The following NAV3 variants were observed in gnomAD, a reference collection of about 807,000 sequenced individuals.
NAV3 encodes the protein pore membrane and/or filament interacting like protein 1.
In NAV3, 87 loss-of-function variants were observed where a neutral mutation model predicts 244.7. The observed-to-expected ratio is 0.36, with a 90% CI of 0.30 to 0.42. NAV3 has a LOEUF of 0.42. Among genes scored for constraint, NAV3 ranks in the 20% least tolerant of loss-of-function variants. The probability of loss-of-function intolerance (pLI) is 1.00; values close to 1 mark genes in which losing one functional copy is unlikely to be tolerated. For synonymous variants in NAV3, 1,126 were observed against 1,042.2 expected (o/e 1.08, Z -1.55); for missense variants, 2,663 against 2,893.3 (o/e 0.92, Z 1.83).
intron 3 of NAV3, among the ~76,000 whole-genome samples, chr12:77,952,078 A>AC (rs1437804984): frequency 1.0e-4 from 15 of 147,494 alleles, no homozygotes; most frequent in South Asian, 2.1e-4. Context: ...TAAAAAAAAA[A>AC]AAAAAACAGG....
intron 8 of NAV3, among the ~76,000 whole-genome samples, chr12:78,016,237 T>A (rs1876186472): frequency 1.3e-5 from 2 of 152,080 alleles, no homozygotes; most frequent in African/African-American, 4.8e-5. Flanking sequence ...ACCAAGAAAT[T>A]TATGTATGCA....
At chr12:77,576,592 T>C (rs551174586) in intron 2 of NAV3, among the ~76,000 whole-genome samples, 11 of 152,276 alleles carry the variant, frequency 7.2e-5, no homozygotes, top group Non-Finnish European at 1.5e-4. Flanking sequence ...CTGATTCTTT[T>C]CATTTTATTT....
chr12:78,204,896 G>A (rs1339708686), intron 38 of NAV3, 39 bp from the exon 39 acceptor site: 15 of 1,587,206 alleles, frequency 9.5e-6, no homozygotes, highest in African/African-American at 1.4e-5. Flanking sequence ...GAATAGAAAT[G>A]CATTTTATAT....
chr12:77,760,725 AAC>A (rs1332689368), intron 2 of NAV3, among the ~76,000 whole-genome samples: 2 of 152,192 alleles, frequency 1.3e-5, no homozygotes, highest in Non-Finnish European at 2.9e-5. Flanking sequence ...TGTTTGGAAC[AAC>A]ACACAGCATA....
intron 2 of NAV3, among the ~76,000 whole-genome samples, chr12:77,577,087 A>G (rs1248064972): frequency 2.0e-5 from 3 of 152,142 alleles, no homozygotes; most frequent in Admixed American, 6.5e-5. Flanking sequence ...TTACTATATA[A>G]ATCTGGAATT....
chr12:78,021,025 T>C (rs961077335), intron 8 of NAV3, among the ~76,000 whole-genome samples: 5 of 152,120 alleles, frequency 3.3e-5, no homozygotes, highest in African/African-American at 1.2e-4. Context: ...AGAAAGCATA[T>C]CTTAAAATAT....
At chr12:78,045,110 A>G (rs1277595999) in intron 9 of NAV3, among the ~76,000 whole-genome samples, 3 of 152,172 alleles carry the variant, frequency 2.0e-5, no homozygotes, top group African/African-American at 7.2e-5. Flanking sequence ...TTCCATAAAT[A>G]TCTAGTAATT....
Position 78,204,995 on chromosome 12 carries a change from T to A in NAV3, c.6895T>A (p.Trp2299Arg). ...AAAGTGGGTGCTTGACACATATCCA[T>A]GGAGCTCAGCAACTCTGCCTCAGGA... ...PSKWVLDTYP[W>R]SSATLPQESP... Residue 2299 changes from tryptophan to arginine, a missense_variant, in exon 39 of 40, where the codon TGG becomes AGG. Physicochemically the swap from Trp to Arg is moderately radical, Grantham distance 101. This residue lies in a region of NAV3 where 543 missense variants were observed against 672.4 expected (regional missense o/e 0.81). Transcript: ENST00000397909. 6.2e-7 allele frequency: 1 copy of A among 1,613,606 alleles called. No homozygotes were observed. The highest frequency in any genetic ancestry group is 8.5e-7 in the Non-Finnish European group (1 of 1,179,760).
chr12:77,636,700 T>C (rs1872172894), intron 2 of NAV3, among the ~76,000 whole-genome samples: 1 of 152,118 alleles, frequency 6.6e-6, no homozygotes, highest in African/African-American at 2.4e-5. Flanking sequence ...TGGACACATA[T>C]GTTTTTTGCA....
chr12:77,956,625 A>T lies in NAV3; in HGVS notation c.415-9604A>T, dbSNP rs145733676. ...GCAGAAGGTAAGGACTGGAGCGATC[A>T]CTTCTCAAGCATCCTTGTGAACAGT... On this transcript the variant is annotated intron_variant, in intron 3 of 39. Coordinates refer to ENST00000397909, the MANE Select transcript of NAV3 (RefSeq NM_001024383.2). Among the ~76,000 whole-genome samples the T allele has an allele frequency of 4.7e-3, 711 of 152,288 alleles. 6 individuals are homozygous for T. Among genetic ancestry groups the T allele is most frequent in the African/African-American group, 0.015 (623 of 41,552 alleles).
chr12:77,733,777 C>T (rs1329910710), intron 2 of NAV3, among the ~76,000 whole-genome samples: 1 of 149,948 alleles, frequency 6.7e-6, no homozygotes, highest in Non-Finnish European at 1.5e-5. Context: ...GATCAAATTT[C>T]ACTAATAGGC....
intron 5 of NAV3, among the ~76,000 whole-genome samples, chr12:77,990,407 G>A (rs1025598610): frequency 6.6e-6 from 1 of 151,820 alleles, no homozygotes; most frequent in African/African-American, 2.4e-5. Flanking sequence ...ACAAATGAAG[G>A]ACCTGGCATC....
rs1431904377 is a variant in NAV3, at chr12:77,812,396, A to G, written c.73-127923A>G. On this transcript the variant is annotated intron_variant, in intron 2 of 8. Transcript: ENST00000550042. ...TCCCAATGAAAAACTGAGGAATTTC[A>G]TTTCTTTCTTTTTTTTTTTAACTTT... Among the ~76,000 whole-genome samples, 4 of 151,562 alleles carry G rather than the reference A, an allele frequency of 2.6e-5. No homozygotes were observed. The East Asian group carries it at 7.7e-4, about 29-fold the overall frequency.
intron 2 of NAV3, among the ~76,000 whole-genome samples, chr12:77,654,382 G>A (rs571224708): frequency 6.6e-6 from 1 of 152,340 alleles, no homozygotes; most frequent in South Asian, 2.1e-4. Context: ...CAAACTGCAA[G>A]GCGGCAGCGA....
At chr12:77,916,384 T>A (rs1460338872) in intron 1 of NAV3, among the ~76,000 whole-genome samples, 1 of 151,992 alleles carries the variant, frequency 6.6e-6, no homozygotes, top group Non-Finnish European at 1.5e-5. Flanking sequence ...TTGTACTACA[T>A]GTAGTCCATA....
intron 12 of NAV3, among the ~76,000 whole-genome samples, chr12:78,088,325 T>A (rs1953741918): frequency 6.6e-6 from 1 of 152,052 alleles, no homozygotes; most frequent in Non-Finnish European, 1.5e-5. Flanking sequence ...ATTATTGTCT[T>A]TTCCTTCCAA....
At chr12:77,577,374 AT>A (rs374438329) in intron 2 of NAV3, among the ~76,000 whole-genome samples, 68 of 152,258 alleles carry the variant, frequency 4.5e-4, no homozygotes, top group African/African-American at 1.5e-3. Context: ...TCTCCACCAT[AT>A]CATAGAAATC....
chr12:77,823,316 G>C (rs1436297542), intron 2 of NAV3, among the ~76,000 whole-genome samples: 1 of 152,154 alleles, frequency 6.6e-6, no homozygotes, highest in Non-Finnish European at 1.5e-5. Context: ...GACACAGAGA[G>C]AGATACAAAG....
In NAV3 at chr12:78,118,258, T is replaced by C. The variant is rs370297366; in HGVS notation, c.3001T>C (p.Ser1001Pro). The C allele has an allele frequency of 1.9e-4, 312 of 1,612,120 alleles. No individual in the cohort carries two copies. In the Middle Eastern group the frequency reaches 2.8e-3, roughly 15 times the overall value. ...CATGTCTGCCCAAGGAGGGGCGCCATCTAGGCAGAAAGCTGGAACAAGTGC... is the reference window on the plus strand; with the variant it reads ...CATGTCTGCCCAAGGAGGGGCGCCACCTAGGCAGAAAGCTGGAACAAGTGC... ...RGMSAQGGAP[S>P]RQKAGTSALK... Residue 1001 changes from serine (S) to proline (P), a missense_variant, in exon 14 of 40, where the codon TCT becomes CCT. Transcript: ENST00000397909.
Sources: allele counts gnomAD v4.1 joint callset (sites outside exome capture counted in the v4.1 genomes callset), GRCh38; gene constraint gnomAD v4.1.1; regional missense constraint gnomAD v4.1.1; transcripts MANE v1.5; gene names NCBI Gene and HGNC (gene_info 2026-07-23, HGNC 2026-07-21).